NCKAP1: variants seen among roughly 807,000 people sequenced by gnomAD.
NCKAP1 encodes the protein nck-associated protein 1.
A neutral mutation model predicts 151.2 loss-of-function variants in NCKAP1; 21 were observed. The ratio of observed to expected loss-of-function variants is 0.14; its 90% CI spans 0.10 to 0.20. The LOEUF (loss-of-function observed/expected upper bound fraction) is 0.20. Ranked by LOEUF, NCKAP1 falls within the 10% of genes least tolerant of loss-of-function variation. The pLI, the probability that NCKAP1 is intolerant of heterozygous loss-of-function variation, is 1.00. For missense variants in NCKAP1, 933 were observed against 1,352.1 expected (o/e 0.69, Z 4.86); for synonymous variants, 484 against 451.8 (o/e 1.07, Z -0.90).
rs1444528831 is a variant in NCKAP1, at chr2:182,991,815, A to G, written c.791-2629T>C. 2.0e-5 allele frequency among the ~76,000 whole-genome samples: 3 copies of G among 152,062 alleles called. No individual in the cohort carries two copies. In the South Asian group the frequency reaches 6.2e-4, roughly 32 times the overall value. ...AGTAATCCAAAACTCTGGAGATAGG[A>G]AAAAAAATCTTTCCTAAGGAGTCTC... On this transcript the variant is annotated intron_variant, in intron 8 of 30. Transcript: ENST00000361354.
intron 4 of NCKAP1, among the ~76,000 whole-genome samples, chr2:183,002,660 C>A (rs1698396049): frequency 6.8e-6 from 1 of 147,764 alleles, no homozygotes; most frequent in African/African-American, 2.6e-5. Flanking sequence ...AATTATCATA[C>A]TAAGAAAGAG....
rs1696404482 is a variant in NCKAP1, at chr2:182,912,087, A to G, written c.*13615T>C. Reference sequence around the variant, plus strand: ...ATGAAAAATTCCTTTTACCTAAAAAACTGCTGAAGTTCAGAGGTTGTAATT... The same window carrying G: ...ATGAAAAATTCCTTTTACCTAAAAAGCTGCTGAAGTTCAGAGGTTGTAATT... On this transcript the variant is annotated 3_prime_UTR_variant, in exon 31 of 31. Coordinates refer to ENST00000361354, the MANE Select transcript of NCKAP1 (RefSeq NM_013436.5). 6.6e-6 allele frequency: 1 copy of G among 152,196 alleles called. No homozygotes were observed. The highest frequency in any genetic ancestry group is 1.5e-5 in the Non-Finnish European group (1 of 68,028). 9.4% of individuals were successfully genotyped at this position (152,196 alleles called of 1,614,324 possible). A position where few individuals can be genotyped will look rare whatever the true frequency, so the allele number is the denominator to read the frequency against.
At chr2:182,986,853 A>T (rs1372957858) in intron 9 of NCKAP1, among the ~76,000 whole-genome samples, 1 of 152,192 alleles carries the variant, frequency 6.6e-6, no homozygotes, top group Non-Finnish European at 1.5e-5. Context: ...ATGAAAACAA[A>T]TGCTAATAAA....
chr2:182,965,337 C>CT (rs1224158928), intron 16 of NCKAP1, among the ~76,000 whole-genome samples: 1 of 145,834 alleles, frequency 6.9e-6, no homozygotes, highest in African/African-American at 2.6e-5. Flanking sequence ...TTTTTTTTAA[C>CT]TTTTTTTAGA....
At chr2:182,973,534 C>CA (rs1347387383) in intron 15 of NCKAP1, among the ~76,000 whole-genome samples, 2 of 152,018 alleles carry the variant, frequency 1.3e-5, no homozygotes, top group Non-Finnish European at 2.9e-5. Context: ...TATAAAAAAG[C>CA]AATGACCTTA....
rs560428315 is a variant in NCKAP1, at chr2:182,925,471, C to T, written c.*231G>A. 7.4e-6 allele frequency: 2 copies of T among 270,684 alleles called. No homozygotes were observed. Among genetic ancestry groups the T allele is most frequent in the African/African-American group, 2.2e-5 (1 of 45,284 alleles). The allele number at this position is 270,684 out of a possible 1,614,324, so 16.8% of individuals were successfully genotyped here. A position where few individuals can be genotyped will look rare whatever the true frequency, so the allele number is the denominator to read the frequency against. ...ATGTATGTTTTTCAAATAAATGATA[C>T]TTTAAAATTATAGGAATAATCTCAG... is the stretch of plus-strand genomic sequence containing the variant. On this transcript the variant is annotated 3_prime_UTR_variant, in exon 31 of 31. Coordinates refer to ENST00000361354, the MANE Select transcript of NCKAP1 (RefSeq NM_013436.5).
In NCKAP1 at chr2:182,914,903, T is replaced by C. The variant is rs1696443867; in HGVS notation, c.*10799A>G. On this transcript the variant is annotated 3_prime_UTR_variant, in exon 31 of 31. Transcript: ENST00000361354. Reference sequence around the variant, plus strand: ...AGAGGAGCATTGACTACCTTTTCCATCCCTTCCCTTTAAAGAAATCAGATT... The same window carrying C: ...AGAGGAGCATTGACTACCTTTTCCACCCCTTCCCTTTAAAGAAATCAGATT... 6.6e-6 allele frequency: 1 copy of C among 152,146 alleles called. No homozygotes were observed. Among genetic ancestry groups the C allele is most frequent in the South Asian group, 2.1e-4 (1 of 4,822 alleles). 9.4% of individuals were successfully genotyped at this position (152,146 alleles called of 1,614,324 possible).
At chr2:182,997,639 T>C (rs1482563999) in intron 6 of NCKAP1, among the ~76,000 whole-genome samples, 5 of 152,190 alleles carry the variant, frequency 3.3e-5, no homozygotes, top group African/African-American at 1.2e-4. Context: ...AGATTTGCTT[T>C]ATGAAACCAG....
chr2:183,003,405 C>T (rs1270536403), intron 2 of NCKAP1, 80 bp from the exon 3 acceptor site: 1 of 850,772 alleles, frequency 1.2e-6, no homozygotes, highest in East Asian at 2.6e-5. Flanking sequence ...TCTTTTATGA[C>T]TGCTATATGG....
rs1240976033 is a variant in NCKAP1 at position 182,989,134 on chromosome 2, G to T, written c.843C>A (p.Asn281Lys). The change falls in exon 9 of 31, where the codon AAC (asparagine) becomes AAA (lysine). Residue 281 changes from asparagine (N) to lysine (K), a missense_variant. By Grantham distance (94) the Asn-to-Lys change is moderately conservative (BLOSUM62 0). This residue lies in a region of NCKAP1 where 607 missense variants were observed against 795.0 expected (regional missense o/e 0.76). Transcript: ENST00000361354. ...GILNTDATAL[N>K]LWKLALQSSS... Reference sequence around the variant, plus strand: ...TACTTTGAAGAGCTAGTTTCCAAAGGTTCAGTGCTGTAGCGTCAGTATTTA... The same window carrying T: ...TACTTTGAAGAGCTAGTTTCCAAAGTTTCAGTGCTGTAGCGTCAGTATTTA... The T allele has an allele frequency of 2.5e-6, 4 of 1,613,574 alleles. No homozygotes were observed. The highest frequency in any genetic ancestry group is 3.4e-6 in the Non-Finnish European group (4 of 1,179,544).
At chr2:182,935,839 T>C (rs1696863796) in intron 24 of NCKAP1, among the ~76,000 whole-genome samples, 1 of 152,138 alleles carries the variant, frequency 6.6e-6, no homozygotes, top group Admixed American at 6.6e-5. Flanking sequence ...TGTTAAGGTC[T>C]TGAGTTAAGA....
At chr2:182,998,915 A>G (rs1698326439) in intron 6 of NCKAP1, among the ~76,000 whole-genome samples, 1 of 151,074 alleles carries the variant, frequency 6.6e-6, no homozygotes, top group Non-Finnish European at 1.5e-5. Flanking sequence ...AAAAAATAAA[A>G]TAACTAGGAA....
At chr2:182,997,560 C>A (rs764439654) in intron 6 of NCKAP1, among the ~76,000 whole-genome samples, 1 of 152,162 alleles carries the variant, frequency 6.6e-6, no homozygotes, top group Non-Finnish European at 1.5e-5. Context: ...GAGAATTCCT[C>A]TTGGTATTGA....
At chr2:182,998,574 A>C (rs1280813695) in intron 6 of NCKAP1, among the ~76,000 whole-genome samples, 1 of 152,088 alleles carries the variant, frequency 6.6e-6, no homozygotes, top group Non-Finnish European at 1.5e-5. Context: ...TCATACCTAT[A>C]ATCTCAGCAC....
intron 1 of NCKAP1, 145 bp downstream of exon 1, chr2:183,037,847 A>G (rs1379277128): frequency 6.9e-6 from 4 of 582,038 alleles, no homozygotes; most frequent in Non-Finnish European, 1.1e-5. Context: ...CGGCGCATCC[A>G]GGCGACCCCG....
chr2:183,006,029 C>A (rs1249189574), intron 2 of NCKAP1, among the ~76,000 whole-genome samples: 1 of 152,188 alleles, frequency 6.6e-6, no homozygotes, highest in Non-Finnish European at 1.5e-5. Flanking sequence ...ATCTCCAGCA[C>A]AATTAGACAG....
chr2:182,916,014 C>T lies in NCKAP1; in HGVS notation c.*9688G>A, dbSNP rs142894301. On this transcript the variant is annotated 3_prime_UTR_variant, in exon 31 of 31. Transcript: ENST00000361354. ...CTGACATCCCAGACAAGTGATTTGT[C>T]TCATTGGGAGAAATCTTAGAAACCA... is the stretch of plus-strand genomic sequence containing the variant. The T allele has an allele frequency of 6.6e-6, 1 of 152,084 alleles. No individual in the cohort carries two copies. Among genetic ancestry groups the T allele is most frequent in the African/African-American group, 2.4e-5 (1 of 41,490 alleles). 9.4% of individuals were successfully genotyped at this position (152,084 alleles called of 1,614,324 possible).
rs1696360457 is a variant in NCKAP1 at position 182,909,884 on chromosome 2, G to A, written c.*15818C>T. 1.3e-5 allele frequency: 2 copies of A among 152,062 alleles called. No individual in the cohort carries two copies. The highest frequency in any genetic ancestry group is 2.1e-4 in the South Asian group (1 of 4,818). 9.4% of individuals were successfully genotyped at this position (152,062 alleles called of 1,614,324 possible). A position where few individuals can be genotyped will look rare whatever the true frequency, so the allele number is the denominator to read the frequency against. ...ATTCTCAGCCACCGATTTAGATAAG[G>A]GCCAAATAGCCTCCTGATCCAAGGC... On this transcript the variant is annotated 3_prime_UTR_variant, in exon 31 of 31. Transcript: ENST00000361354.
Position 182,913,859 on chromosome 2 carries a change from C to G in NCKAP1, c.*11843G>C, listed in dbSNP as rs1696430575. 1 of 152,336 alleles carries G rather than the reference C, an allele frequency of 6.6e-6. No homozygotes were observed. The highest frequency in any genetic ancestry group is 2.4e-5 in the African/African-American group (1 of 41,446). The allele number at this position is 152,336 out of a possible 1,614,324, so 9.4% of individuals were successfully genotyped here. ...AGCACTCTGATGCTCTCTGCCCCCA[C>G]AGCCTGTGGAAATACAGGAAACTTC... On this transcript the variant is annotated 3_prime_UTR_variant, in exon 31 of 31. Transcript: ENST00000361354.
Sources: gnomAD v4.1 joint callset for allele counts (sites outside exome capture counted in the v4.1 genomes callset) on GRCh38, gnomAD v4.1.1 for gene constraint, gnomAD v4.1.1 regional missense constraint, MANE v1.5 for transcripts, NCBI Gene and HGNC (gene_info 2026-07-23, HGNC 2026-07-21) for gene names.